DDB1: variants seen among roughly 807,000 people sequenced by gnomAD.
DDB1 encodes the protein damage specific DNA binding protein 1, also known as DNA damage-binding protein 1.
In DDB1, 18 loss-of-function variants were observed where a neutral mutation model predicts 133.1. The observed-to-expected ratio is 0.14, with a 90% CI of 0.09 to 0.20. The LOEUF (loss-of-function observed/expected upper bound fraction) is 0.20, where lower values mean the gene tolerates loss of function less well. DDB1 is among the 10% of genes least tolerant of loss of function. The pLI, the probability that DDB1 is intolerant of heterozygous loss-of-function variation, is 1.00. For missense variants in DDB1, 828 were observed against 1,459.2 expected (o/e 0.57, Z 7.05); for synonymous variants, 580 against 550.5 (o/e 1.05, Z -0.75).
chr11:61,320,135 G>A (rs746672943), intron 10 of DDB1, among the ~76,000 whole-genome samples: 1 of 151,408 alleles, frequency 6.6e-6, no homozygotes, highest in Non-Finnish European at 1.5e-5. Context: ...TAGTTTTTTA[G>A]TTGATTATCT....
At chr11:61,320,020 T>C (rs1856153022) in intron 10 of DDB1, among the ~76,000 whole-genome samples, 1 of 152,180 alleles carries the variant, frequency 6.6e-6, no homozygotes, top group African/African-American at 2.4e-5. Flanking sequence ...AATTGCCCCC[T>C]TTCCTCTACT....
rs1856278635 is a variant in DDB1 at position 61,326,867 on chromosome 11, G to A, written c.576C>T (p.Thr192=). 2 of 1,613,998 alleles carry A rather than the reference G, an allele frequency of 1.2e-6. No homozygotes were observed. The highest frequency in any genetic ancestry group is 1.1e-5 in the South Asian group (1 of 91,086). ...YQDPQGRHVK[T]YEVSLREKEF... ...CCTTTTCTCGGAGAGACACCTCATA[G>A]GTTTTTACGTGCCGCCCCTGAGGGT... Residue 192 remains threonine (T), a synonymous_variant, in exon 5 of 27, where the codon ACC becomes ACT. Coordinates refer to ENST00000301764, the MANE Select transcript of DDB1 (RefSeq NM_001923.5).
At position 61,324,381 on chromosome 11, in the gene DDB1, C is replaced by T. The variant is rs1856235551; in HGVS notation, c.763-244G>A. On this transcript the variant is annotated intron_variant, in intron 6 of 26. Coordinates refer to ENST00000301764, the MANE Select transcript of DDB1 (RefSeq NM_001923.5). ...ATATCTTATATGTTTACTGATATGT[C>T]GTCATTCTGCAGGAAAATAGAAATA... 7.1e-6 allele frequency: 3 copies of T among 420,656 alleles called. 1 individual carries two copies. Among genetic ancestry groups the T allele is most frequent in the East Asian group, 8.6e-5 (2 of 23,390 alleles). 26.1% of individuals were successfully genotyped at this position (420,656 alleles called of 1,614,324 possible). A position where few individuals can be genotyped will look rare whatever the true frequency, so the allele number is the denominator to read the frequency against.
Position 61,300,234 on chromosome 11 carries a change from T to C in DDB1, c.3340-15A>G, listed in dbSNP as rs1855770502. 1 of 1,613,338 alleles carries C rather than the reference T, an allele frequency of 6.2e-7. No individual in the cohort carries two copies. Among genetic ancestry groups the C allele is most frequent in the African/African-American group, 1.3e-5 (1 of 75,016 alleles). On this transcript the variant is annotated splice_polypyrimidine_tract_variant and intron_variant, in intron 26 of 26. Coordinates refer to ENST00000301764, the MANE Select transcript of DDB1 (RefSeq NM_001923.5). The stretch of plus-strand genomic sequence containing the variant: ...CCATCGTCATACTGCAATGAGAAGA[T>C]GGGCGGGGCTGTGAGGACCAAGAGG...
intron 21 of DDB1, 112 bp from the exon 22 acceptor site, chr11:61,304,147 G>T: frequency 8.4e-7 from 1 of 1,183,548 alleles, no homozygotes; most frequent in Non-Finnish European, 1.2e-6. Context: ...TGCAATGCGG[G>T]ACAGGAAACG....
At chr11:61,312,144 G>A in intron 16 of DDB1, 60 bp from the exon 17 acceptor site, 1 of 1,476,428 alleles carries the variant, frequency 6.8e-7, no homozygotes, top group Non-Finnish European at 9.5e-7. Context: ...GATTCTATGA[G>A]GCAACTCCAC....
chr11:61,311,337 A>T (rs1855967342), intron 18 of DDB1: 1 of 160,710 alleles, frequency 6.2e-6, no homozygotes, highest in African/African-American at 2.4e-5. Flanking sequence ...ACATAACATA[A>T]CATAACAAAC....
chr11:61,301,754 G>C (rs1251005557), intron 25 of DDB1: 2 of 152,862 alleles, frequency 1.3e-5, no homozygotes, highest in African/African-American at 4.8e-5. Context: ...CCCACCTCCA[G>C]GGGGGCGGGG....
chr11:61,332,473 T>C (rs1364298878), intron 1 of DDB1: 1 of 159,392 alleles, frequency 6.3e-6, no homozygotes, highest in African/African-American at 2.4e-5. Flanking sequence ...CCTCTCCCTC[T>C]GTGGGATAAT....
chr11:61,332,407 G>C (rs1590704509), intron 1 of DDB1: 1 of 153,462 alleles, frequency 6.5e-6, no homozygotes, highest in Non-Finnish European at 1.4e-5. Context: ...CTCTTCTCCA[G>C]CAGGGCCCTC....
chr11:61,314,554 G>A (rs1856034680), intron 12 of DDB1, 68 bp from the exon 13 acceptor site: 1 of 1,484,888 alleles, frequency 6.7e-7, no homozygotes, highest in Admixed American at 2.1e-5. Context: ...GTGGAAAGGT[G>A]GTAAATGCAG....
At chr11:61,306,657 G>A (rs955725201) in intron 21 of DDB1, among the ~76,000 whole-genome samples, 1 of 151,992 alleles carries the variant, frequency 6.6e-6, no homozygotes, top group Non-Finnish European at 1.5e-5. Flanking sequence ...CCTGAATCTC[G>A]TGTCCTCCGC....
intron 5 of DDB1, 189 bp from the exon 6 acceptor site, chr11:61,325,897 T>C (rs1856262067): frequency 4.5e-6 from 3 of 660,936 alleles, no homozygotes; most frequent in South Asian, 3.3e-5. Context: ...GGCCATTATC[T>C]AATCCTGGTA....
chr11:61,332,773 G>A (rs1413581694), intron 1 of DDB1, 135 bp downstream of exon 1: 48 of 724,988 alleles, frequency 6.6e-5, no homozygotes, highest in Non-Finnish European at 8.7e-5. Flanking sequence ...TGCTGGGGGA[G>A]GTTCCTCGGC....
Position 61,313,670 on chromosome 11 carries a change from G to A in DDB1, c.1898C>T (p.Thr633Ile), listed in dbSNP as rs745411303. 6.2e-7 allele frequency: 1 copy of A among 1,613,568 alleles called. No homozygotes were observed. The highest frequency in any genetic ancestry group is 8.5e-7 in the Non-Finnish European group (1 of 1,179,746). ...LSDRKKVTLG[T>I]QPTVLRTFRS... is the part of the protein sequence containing the mutation. Reference sequence around the variant, plus strand: ...AAAAGTCCTCAATACGGTGGGCTGGGTGCCCAAAGTCACCTTCTTACGGTC... The same window carrying A: ...AAAAGTCCTCAATACGGTGGGCTGGATGCCCAAAGTCACCTTCTTACGGTC... Residue 633 changes from threonine to isoleucine, a missense_variant, in exon 16 of 27, where the codon ACC becomes ATC. Around this residue, in one of 7 missense-constraint regions of DDB1, gnomAD observed 396 missense variants for 554.1 expected, o/e 0.71. Coordinates refer to ENST00000301764, the MANE Select transcript of DDB1 (RefSeq NM_001923.5).
chr11:61,322,899 G>T, intron 8 of DDB1, 112 bp downstream of exon 8: 4 of 822,242 alleles, frequency 4.9e-6, no homozygotes, highest in Non-Finnish European at 7.7e-6. Flanking sequence ...AAGCTGGATA[G>T]TAGGGATGTG....
intron 10 of DDB1, among the ~76,000 whole-genome samples, chr11:61,317,617 C>T (rs1856113443): frequency 6.6e-6 from 1 of 152,166 alleles, no homozygotes; most frequent in Non-Finnish European, 1.5e-5. Context: ...AGCGATTCTC[C>T]TGCCTCAGCC....
At chr11:61,305,337 T>C (rs997260871) in intron 21 of DDB1, among the ~76,000 whole-genome samples, 2 of 152,050 alleles carry the variant, frequency 1.3e-5, no homozygotes, top group Non-Finnish European at 2.9e-5. Flanking sequence ...TGAAACCCCA[T>C]CTCTACTAAA....
chr11:61,322,067 C>A, intron 9 of DDB1: 1 of 560,470 alleles, frequency 1.8e-6, no homozygotes, highest in Non-Finnish European at 3.2e-6. Context: ...CTGAGATGGC[C>A]AAATATCCCT....
Sources: gnomAD v4.1 joint callset for allele counts (sites outside exome capture counted in the v4.1 genomes callset) on GRCh38, gnomAD v4.1.1 for gene constraint, gnomAD v4.1.1 regional missense constraint, MANE v1.5 for transcripts, NCBI Gene and HGNC (gene_info 2026-07-23, HGNC 2026-07-21) for gene names.